The following RAD54L2 variants were observed in gnomAD, a reference collection of about 807,000 sequenced individuals.
RAD54L2 encodes the protein helicase ARIP4.
RAD54L2 carries 27 observed loss-of-function variants against 138.4 expected under a neutral mutation model. The observed-to-expected ratio is 0.20, with a 90% CI of 0.14 to 0.27. The LOEUF (loss-of-function observed/expected upper bound fraction) is 0.27. Ranked by LOEUF, RAD54L2 falls within the 10% of genes least tolerant of loss-of-function variation. The pLI, the probability that RAD54L2 is intolerant of heterozygous loss-of-function variation, is 1.00. For synonymous variants in RAD54L2, 644 were observed against 723.2 expected, an observed-to-expected ratio of 0.89 and a Z score of 1.76; for missense variants, 1,396 against 1,890.2, an observed-to-expected ratio of 0.74 and a Z score of 4.85.
chr3:51,632,548 G>C lies in RAD54L2; in HGVS notation c.826-1029G>C, dbSNP rs370226242. ...AACCTCAGGTAATCTGCACACCTTGGCCTCCCAAAGCGCCAGGATTACAGG... is the reference window on the plus strand; with the variant it reads ...AACCTCAGGTAATCTGCACACCTTGCCCTCCCAAAGCGCCAGGATTACAGG... On this transcript the variant is annotated intron_variant, in intron 7 of 22. Transcript: ENST00000684192. Among the ~76,000 whole-genome samples, 6 of 150,668 alleles carry C rather than the reference G, an allele frequency of 4.0e-5. No homozygotes were observed. The East Asian group carries it at 8.2e-4, about 21-fold the overall frequency.
intron 7 of RAD54L2, among the ~76,000 whole-genome samples, chr3:51,631,763 A>G (rs1260679586): frequency 6.6e-6 from 1 of 152,012 alleles, no homozygotes; most frequent in Non-Finnish European, 1.5e-5. Context: ...CAGCCTAAGT[A>G]GCTGGGACTA....
chr3:51,584,859 A>C (rs1285290378), intron 2 of RAD54L2, among the ~76,000 whole-genome samples: 1 of 151,820 alleles, frequency 6.6e-6, no homozygotes, highest in African/African-American at 2.4e-5. Context: ...AGGCTGGAGT[A>C]CAGTGGTACA....
In RAD54L2 at chr3:51,662,840, G is replaced by T; in HGVS notation, c.3824G>T (p.Gly1275Val). ...TCATCCCGCCGGCGGTCCAGGAAGG[G>T]TCATCTGCCAGCCCCCGTGCAGCCG... ...QESSRRRSRKGHLPAPVQPYE... is the reference protein window; with the variant it reads ...QESSRRRSRKVHLPAPVQPYE... Residue 1275 changes from glycine (G) to valine (V), a missense_variant, in exon 23 of 23, where the codon GGT (glycine) becomes GTT (valine). This residue lies in a region of RAD54L2 where 634 missense variants were observed against 711.2 expected (regional missense o/e 0.89). Coordinates refer to ENST00000684192, the MANE Select transcript of RAD54L2 (RefSeq NM_015106.4). This position sits in a 1 kb window ranked among gnomAD's most constrained non-coding sequence, Gnocchi z 4.6. The T allele has an allele frequency of 1.2e-6, 2 of 1,613,082 alleles. No homozygotes were observed. Among genetic ancestry groups the T allele is most frequent in the Non-Finnish European group, 1.7e-6 (2 of 1,179,620 alleles).
intron 18 of RAD54L2, 144 bp from the exon 19 acceptor site, chr3:51,646,141 G>A: frequency 2.8e-6 from 2 of 726,644 alleles, no homozygotes; most frequent in Non-Finnish European, 4.5e-6. Context: ...ACTCTTGACA[G>A]AAAGACAGTA....
chr3:51,561,089 G>T (rs949985761), intron 2 of RAD54L2, among the ~76,000 whole-genome samples: 5 of 152,182 alleles, frequency 3.3e-5, no homozygotes, highest in African/African-American at 1.2e-4. Context: ...CTCCTTAGCA[G>T]GTCTCCAGGT....
chr3:51,616,167 ATACAG>A (rs1700437145), intron 3 of RAD54L2, among the ~76,000 whole-genome samples: 1 of 152,166 alleles, frequency 6.6e-6, no homozygotes, highest in African/African-American at 2.4e-5. Flanking sequence ...TTTTGAAATA[ATACAG>A]TAGAGTATTG....
At chr3:51,553,728 G>C (rs1698898769) in intron 2 of RAD54L2, among the ~76,000 whole-genome samples, 1 of 152,134 alleles carries the variant, frequency 6.6e-6, no homozygotes. Flanking sequence ...TACTCTGGAG[G>C]CTGAGGTGGA....
intron 2 of RAD54L2, among the ~76,000 whole-genome samples, chr3:51,575,785 A>G (rs926949335): frequency 3.9e-5 from 6 of 152,208 alleles, no homozygotes; most frequent in African/African-American, 1.4e-4. Context: ...CAATCATGTC[A>G]TCTGCAAACA....
intron 3 of RAD54L2, among the ~76,000 whole-genome samples, chr3:51,610,979 C>A (rs945142806): frequency 6.6e-6 from 1 of 152,184 alleles, no homozygotes; most frequent in East Asian, 1.9e-4. Context: ...GAATAATATG[C>A]TTAAGGCTTT....
intron 3 of RAD54L2, among the ~76,000 whole-genome samples, chr3:51,626,090 C>CA (rs996462842): frequency 2.7e-4 from 41 of 149,322 alleles, no homozygotes; most frequent in Admixed American, 4.7e-4. Flanking sequence ...CCGACCCCAC[C>CA]AAAAAAAAAC....
chr3:51,606,660 AT>A (rs377248473), intron 3 of RAD54L2, among the ~76,000 whole-genome samples: 115 of 146,884 alleles, frequency 7.8e-4, no homozygotes, highest in African/African-American at 1.8e-3. Flanking sequence ...GAAAAAGTTT[AT>A]TTTTTTTTTT....
intron 2 of RAD54L2, among the ~76,000 whole-genome samples, chr3:51,583,292 G>A (rs537146219): frequency 6.6e-6 from 1 of 152,212 alleles, no homozygotes; most frequent in South Asian, 2.1e-4. Flanking sequence ...TATTGTTGAA[G>A]CACATGAAGA....
rs1353146882 is a variant in RAD54L2, at chr3:51,538,736, C to T, written c.-296C>T. Reference sequence around the variant, plus strand: ...GAGCGGAGGCTGGCGAGCGCCGCCGCCGGTGGAGACCGACGCTTGGCCAGA... The same window carrying T: ...GAGCGGAGGCTGGCGAGCGCCGCCGTCGGTGGAGACCGACGCTTGGCCAGA... On this transcript the variant is annotated 5_prime_UTR_variant, in exon 1 of 23. Transcript: ENST00000684192. Among the ~76,000 whole-genome samples, 1 of 151,958 alleles carries T rather than the reference C, an allele frequency of 6.6e-6. No individual in the cohort carries two copies. Among genetic ancestry groups the T allele is most frequent in the African/African-American group, 2.4e-5 (1 of 41,428 alleles).
At chr3:51,591,978 A>G (rs536742161) in intron 3 of RAD54L2, among the ~76,000 whole-genome samples, 2 of 146,946 alleles carry the variant, frequency 1.4e-5, no homozygotes, top group African/African-American at 2.5e-5. Context: ...GGACTTTACT[A>G]TTATTTATTT....
intron 2 of RAD54L2, among the ~76,000 whole-genome samples, chr3:51,560,470 C>T (rs944204197): frequency 6.6e-6 from 1 of 151,738 alleles, no homozygotes; most frequent in Non-Finnish European, 1.5e-5. Context: ...CGCCATTCTC[C>T]TTCCTCAGCC....
At chr3:51,545,732 A>G (rs563827164) in intron 2 of RAD54L2, among the ~76,000 whole-genome samples, 149 of 151,844 alleles carry the variant, frequency 9.8e-4, no homozygotes, top group African/African-American at 3.4e-3. Flanking sequence ...GGCATGCATG[A>G]CCTTGCCTGG....
intron 19 of RAD54L2, 54 bp from the exon 20 acceptor site, chr3:51,655,917 A>G: frequency 1.4e-6 from 2 of 1,477,276 alleles, no homozygotes; most frequent in East Asian, 4.6e-5. Flanking sequence ...GCCTTTGGAA[A>G]AGGTAACAGT....
chr3:51,650,625 A>T (rs1050547488), intron 19 of RAD54L2, among the ~76,000 whole-genome samples: 2 of 152,248 alleles, frequency 1.3e-5, no homozygotes, highest in African/African-American at 2.4e-5. Flanking sequence ...ACTCAGGATT[A>T]AAAAACTCAC....
intron 15 of RAD54L2, among the ~76,000 whole-genome samples, chr3:51,642,216 T>C (rs556882369): frequency 3.9e-5 from 6 of 152,158 alleles, no homozygotes; most frequent in South Asian, 2.1e-4. Flanking sequence ...TGGGGAGGAT[T>C]TGAATACACA....
Sources: allele counts gnomAD v4.1 joint callset (sites outside exome capture counted in the v4.1 genomes callset), GRCh38; gene constraint gnomAD v4.1.1; regional missense constraint gnomAD v4.1.1; non-coding constraint Gnocchi (gnomAD v3.1); transcripts MANE v1.5; gene names NCBI Gene and HGNC (gene_info 2026-07-23, HGNC 2026-07-21).